Variants in ZFPM2 observed in about 807,000 individuals in gnomAD.
The protein encoded by ZFPM2 is zinc finger protein, FOG family member 2, also known as zinc finger protein ZFPM2.
ZFPM2 carries 20 observed loss-of-function variants against 98.6 expected under a neutral mutation model. That is an observed-to-expected ratio of 0.20 (90% CI 0.14 to 0.29). The LOEUF (loss-of-function observed/expected upper bound fraction) is 0.29, where lower values mean the gene tolerates loss of function less well. Ranked by LOEUF, ZFPM2 falls within the 10% of genes least tolerant of loss-of-function variation. The pLI, the probability that ZFPM2 is intolerant of heterozygous loss-of-function variation, is 1.00. For missense variants in ZFPM2, 1,310 were observed against 1,388.6 expected, an observed-to-expected ratio of 0.94 and a Z score of 0.90; for synonymous variants, 518 against 502.7, an observed-to-expected ratio of 1.03 and a Z score of -0.41.
In ZFPM2 at chr8:105,779,979, A is replaced by T. The variant is rs556793096; in HGVS notation, c.533-8739A>T. Among the ~76,000 whole-genome samples the T allele has an allele frequency of 1.6e-3, 245 of 152,360 alleles. 2 individuals carry two copies. The highest frequency in any genetic ancestry group is 7.7e-3 in the South Asian group (37 of 4,834). ...TTGACAGCAATTATAAGAAAAATTT[A>T]TAAGCTTCCTGTTAGAAACCGTATC... On this transcript the variant is annotated intron_variant, in intron 5 of 7. Transcript: ENST00000407775.
intron 1 of ZFPM2, among the ~76,000 whole-genome samples, chr8:105,410,017 T>C (rs550544048): frequency 1.3e-5 from 2 of 151,988 alleles, no homozygotes; most frequent in South Asian, 4.1e-4. Flanking sequence ...TTATCAATAA[T>C]TAATTGCATA....
intron 5 of ZFPM2, among the ~76,000 whole-genome samples, chr8:105,704,344 T>G (rs1201965403): frequency 6.6e-6 from 1 of 152,202 alleles, no homozygotes; most frequent in Non-Finnish European, 1.5e-5. Flanking sequence ...TGGATGCAGC[T>G]TAAAGACTGA....
chr8:105,498,713 A>C (rs1813526733), intron 3 of ZFPM2, among the ~76,000 whole-genome samples: 1 of 152,222 alleles, frequency 6.6e-6, no homozygotes, highest in African/African-American at 2.4e-5. Flanking sequence ...GAGAAAGCTC[A>C]GCATGTTTGG....
chr8:105,534,077 TCCCA>T (rs1363090080), intron 3 of ZFPM2, among the ~76,000 whole-genome samples: 1 of 36,360 alleles, frequency 2.8e-5, no homozygotes. Flanking sequence ...CCTTCCTCCC[TCCCA>T]TCTTCCTCCC....
At chr8:105,509,114 CTT>C (rs1321665180) in intron 3 of ZFPM2, among the ~76,000 whole-genome samples, 3 of 152,140 alleles carry the variant, frequency 2.0e-5, no homozygotes, top group African/African-American at 7.2e-5. Context: ...TTACAGGAGA[CTT>C]TATAAATATG....
rs1290942076 is a variant in ZFPM2 at position 105,390,971 on chromosome 8, A to G, written c.41-28173A>G. Among the ~76,000 whole-genome samples, 4 of 152,188 alleles carry G rather than the reference A, an allele frequency of 2.6e-5. No homozygotes were observed. In the South Asian group the frequency reaches 8.3e-4, roughly 32 times the overall value. On this transcript the variant is annotated intron_variant, in intron 1 of 7. Transcript: ENST00000407775. Reference sequence around the variant, plus strand: ...ATGCAGGGTAAAGGTATAAAAATGCATATCTAGGGTTTAGAAGAATCTTCA... The same window carrying G: ...ATGCAGGGTAAAGGTATAAAAATGCGTATCTAGGGTTTAGAAGAATCTTCA...
At chr8:105,476,945 C>A (rs1366681707) in intron 3 of ZFPM2, among the ~76,000 whole-genome samples, 1 of 151,994 alleles carries the variant, frequency 6.6e-6, no homozygotes, top group East Asian at 1.9e-4. Flanking sequence ...TTCCAAAAGT[C>A]AGTCAGGAGA....
chr8:105,401,525 C>T (rs1811340351), intron 1 of ZFPM2, among the ~76,000 whole-genome samples: 1 of 152,114 alleles, frequency 6.6e-6, no homozygotes, highest in African/African-American at 2.4e-5. Context: ...TTGAGGCACT[C>T]TGAGACTTTA....
At position 105,709,747 on chromosome 8, in the gene ZFPM2, T is replaced by C. The variant is rs555577169; in HGVS notation, c.532+75390T>C. 3.5e-4 allele frequency among the ~76,000 whole-genome samples: 54 copies of C among 152,222 alleles called. 2 individuals carry two copies. The South Asian group carries it at 5.8e-3, about 16-fold the overall frequency. On this transcript the variant is annotated intron_variant, in intron 5 of 7. Transcript: ENST00000407775. ...ATTATTTATTTAAAGAAAAAAATTT[T>C]AGGAACTTTTTGTAGTCTGATACCT...
chr8:105,733,292 T>C (rs1386840605), intron 5 of ZFPM2, among the ~76,000 whole-genome samples: 1 of 151,886 alleles, frequency 6.6e-6, no homozygotes, highest in Non-Finnish European at 1.5e-5. Flanking sequence ...TAGTTGCACA[T>C]TGGCTAATTG....
Position 105,460,292 on chromosome 8 carries a change from G to A in ZFPM2, c.301+15911G>A, listed in dbSNP as rs568290816. Among the ~76,000 whole-genome samples, 29 of 152,280 alleles carry A rather than the reference G, an allele frequency of 1.9e-4. 1 individual carries two copies. Among genetic ancestry groups the A allele is most frequent in the Non-Finnish European group, 3.5e-4 (24 of 68,012 alleles). ...TTCCAAATCCTGGAGAATTTAGAGAGAATAAAGAAGGTCTCAAAAGGAAGA... is the reference window on the plus strand; with the variant it reads ...TTCCAAATCCTGGAGAATTTAGAGAAAATAAAGAAGGTCTCAAAAGGAAGA... On this transcript the variant is annotated intron_variant, in intron 3 of 7. Transcript: ENST00000407775.
chr8:105,340,760 T>C (rs1451970726), intron 1 of ZFPM2, among the ~76,000 whole-genome samples: 1 of 151,950 alleles, frequency 6.6e-6, no homozygotes. Flanking sequence ...GATCTCTGCT[T>C]TCACAGAACG....
chr8:105,356,430 T>G (rs1812748053), intron 1 of ZFPM2, among the ~76,000 whole-genome samples: 1 of 152,248 alleles, frequency 6.6e-6, no homozygotes, highest in Admixed American at 6.5e-5. Flanking sequence ...TACACAGCTC[T>G]ATTTGATTCA....
intron 4 of ZFPM2, among the ~76,000 whole-genome samples, chr8:105,580,909 T>G (rs1244087338): frequency 1.3e-5 from 2 of 151,658 alleles, no homozygotes; most frequent in African/African-American, 4.8e-5. Flanking sequence ...ATTGTTTGCT[T>G]AACTTTAAAT....
chr8:105,464,721 C>A (rs1385885243), intron 3 of ZFPM2, among the ~76,000 whole-genome samples: 3 of 151,624 alleles, frequency 2.0e-5, no homozygotes, highest in South Asian at 2.1e-4. Flanking sequence ...GCTGATTGAA[C>A]GCCCTCAAGC....
At chr8:105,330,549 T>TACAC (rs1554594952) in intron 1 of ZFPM2, among the ~76,000 whole-genome samples, 2 of 69,052 alleles carry the variant, frequency 2.9e-5, no homozygotes, top group African/African-American at 1.1e-4. Context: ...TATATATATA[T>TACAC]ATACATATAT....
intron 2 of ZFPM2, among the ~76,000 whole-genome samples, chr8:105,431,976 T>C (rs1413339600): frequency 2.0e-5 from 3 of 150,758 alleles, no homozygotes; most frequent in African/African-American, 7.4e-5. Context: ...GGCGAGGCAT[T>C]AACTAGGCAA....
chr8:105,466,472 A>G (rs74975535), intron 3 of ZFPM2, among the ~76,000 whole-genome samples: 4,400 of 152,148 alleles, frequency 0.029, 198 homozygotes, highest in African/African-American at 0.1. Context: ...GTGATATTCT[A>G]AAGCTGGTCT....
chr8:105,485,342 T>A (rs1482709311), intron 3 of ZFPM2, among the ~76,000 whole-genome samples: 1 of 151,958 alleles, frequency 6.6e-6, no homozygotes, highest in Non-Finnish European at 1.5e-5. Context: ...AATAACAAAG[T>A]CCGATGTGTT....
Sources: allele counts gnomAD v4.1 joint callset (sites outside exome capture counted in the v4.1 genomes callset), GRCh38; gene constraint gnomAD v4.1.1; transcripts MANE v1.5; gene names NCBI Gene and HGNC (gene_info 2026-07-23, HGNC 2026-07-21).